Variants in FBXO16 observed in about 807,000 individuals in gnomAD.
FBXO16 encodes the protein F-box protein 16.
In FBXO16, 31 loss-of-function variants were observed where a neutral mutation model predicts 41.0. The ratio of observed to expected loss-of-function variants is 0.76; its 90% CI spans 0.57 to 1.02. The LOEUF is 1.02. FBXO16 is among the 50% of genes least tolerant of loss of function. FBXO16 has a pLI of 0.00. For synonymous variants in FBXO16, 133 were observed against 117.8 expected (o/e 1.13, Z -0.84); for missense variants, 361 against 346.2 (o/e 1.04, Z -0.34).
chr8:28,463,869 T>C (rs1268741080), intron 3 of FBXO16, 51 bp from the exon 4 acceptor site: 4 of 1,541,402 alleles, frequency 2.6e-6, no homozygotes, highest in East Asian at 2.2e-5. Context: ...TTTAGTCTGA[T>C]AGCAGATTCA....
chr8:28,469,571 GTA>G (rs1406554893), intron 3 of FBXO16, among the ~76,000 whole-genome samples: 1 of 152,088 alleles, frequency 6.6e-6, no homozygotes, highest in Non-Finnish European at 1.5e-5. Context: ...ATAAATTAGA[GTA>G]CACCCATCCC....
chr8:28,490,095 C>G (rs1305324846), intron 1 of FBXO16, 91 bp downstream of exon 1: 1 of 152,148 alleles, frequency 6.6e-6, no homozygotes, highest in Non-Finnish European at 1.5e-5. Context: ...ACAATGAAAT[C>G]CCCAAGAGCA....
intron 7 of FBXO16, among the ~76,000 whole-genome samples, chr8:28,432,838 CCT>C (rs1392336088): frequency 6.6e-6 from 1 of 152,100 alleles, no homozygotes; most frequent in Non-Finnish European, 1.5e-5. Flanking sequence ...GGGTGGATCA[CCT>C]AAGGTCAGGC....
chr8:28,468,997 T>A (rs1027434442), intron 3 of FBXO16, among the ~76,000 whole-genome samples: 2 of 152,214 alleles, frequency 1.3e-5, no homozygotes, highest in Non-Finnish European at 2.9e-5. Context: ...ATTTCCTTTT[T>A]TTCTAATTAA....
chr8:28,465,627 A>C lies in FBXO16; in HGVS notation c.136-1809T>G, dbSNP rs140221020. Among the ~76,000 whole-genome samples the C allele has an allele frequency of 4.6e-5, 7 of 152,204 alleles. No homozygotes were observed. The East Asian group carries it at 1.2e-3, about 25-fold the overall frequency. ...GAGGCCCTGTCAATAAAAATAAAAA[A>C]AAAATAAAAAATTTTTAAAAAAGCA... On this transcript the variant is annotated intron_variant, in intron 3 of 8. Transcript: ENST00000380254.
chr8:28,445,942 A>G (rs554689484), intron 7 of FBXO16, among the ~76,000 whole-genome samples: 5 of 152,188 alleles, frequency 3.3e-5, no homozygotes, highest in African/African-American at 1.2e-4. Context: ...ACTACTATAT[A>G]TGAACTTTGA....
intron 4 of FBXO16, among the ~76,000 whole-genome samples, chr8:28,460,242 T>TAC (rs1803107468): frequency 2.1e-5 from 2 of 97,174 alleles, no homozygotes; most frequent in African/African-American, 5.7e-5. Context: ...TATATATATA[T>TAC]ATATTTTTTT....
intron 7 of FBXO16, among the ~76,000 whole-genome samples, chr8:28,434,764 C>T (rs1397654613): frequency 6.6e-6 from 1 of 152,186 alleles, no homozygotes. Context: ...CAGCCCCTTG[C>T]GGGAGGGAGC....
At chr8:28,460,222 T>C (rs1803104921) in intron 4 of FBXO16, among the ~76,000 whole-genome samples, 1 of 84,900 alleles carries the variant, frequency 1.2e-5, no homozygotes, top group Non-Finnish European at 2.1e-5. Flanking sequence ...TATATATGTG[T>C]GTGTATATAT....
chr8:28,483,486 A>C (rs200849890), intron 1 of FBXO16, 24 bp from the exon 2 acceptor site: 9 of 1,540,504 alleles, frequency 5.8e-6, no homozygotes, highest in Non-Finnish European at 6.3e-6. Context: ...AACAACACCT[A>C]TCAGAAGAAG....
intron 3 of FBXO16, among the ~76,000 whole-genome samples, chr8:28,472,085 C>T (rs1258860520): frequency 6.6e-6 from 1 of 152,062 alleles, no homozygotes; most frequent in Non-Finnish European, 1.5e-5. Context: ...CCAAATTCAT[C>T]TTTCTATTTT....
At chr8:28,477,099 T>G (rs1177197390) in intron 2 of FBXO16, among the ~76,000 whole-genome samples, 1 of 126,184 alleles carries the variant, frequency 7.9e-6, no homozygotes, top group African/African-American at 3.3e-5. Context: ...CCTATCCTGA[T>G]GACGCAGTTT....
At chr8:28,458,544 CTTT>C (rs34617439) in intron 4 of FBXO16, among the ~76,000 whole-genome samples, 8,793 of 87,988 alleles carry the variant, frequency 0.1, 460 homozygotes, top group African/African-American at 0.2. Flanking sequence ...TCTTCTTCTT[CTTT>C]TTTTTTTTTT....
At chr8:28,433,078 CAAA>C (rs1437856853) in intron 7 of FBXO16, among the ~76,000 whole-genome samples, 1 of 138,882 alleles carries the variant, frequency 7.2e-6, no homozygotes, top group South Asian at 2.5e-4. Context: ...AAAAAACAAA[CAAA>C]AAACAAACAA....
Position 28,428,498 on chromosome 8 carries a change from G to A in FBXO16, c.*229C>T. The A allele has an allele frequency of 6.9e-7, 1 of 1,453,058 alleles. No individual in the cohort carries two copies. The highest frequency in any genetic ancestry group is 9.1e-7 in the Non-Finnish European group (1 of 1,096,232). The allele number at this position is 1,453,058 out of a possible 1,614,324, so 90.0% of individuals were successfully genotyped here. ...TGAAAGAGTTTCTAATGGGAGCCAAGTAAATTCAGCTCTCCACTGTGCAAA... is the reference window on the plus strand; with the variant it reads ...TGAAAGAGTTTCTAATGGGAGCCAAATAAATTCAGCTCTCCACTGTGCAAA... On this transcript the variant is annotated 3_prime_UTR_variant, in exon 9 of 9. Transcript: ENST00000380254.
chr8:28,477,260 C>T (rs1178193918), intron 2 of FBXO16, among the ~76,000 whole-genome samples: 1 of 151,938 alleles, frequency 6.6e-6, no homozygotes, highest in South Asian at 2.1e-4. Context: ...AAAATTAAAA[C>T]AAAAACAAAA....
At chr8:28,487,265 T>C (rs943405445) in intron 1 of FBXO16, among the ~76,000 whole-genome samples, 2 of 152,072 alleles carry the variant, frequency 1.3e-5, no homozygotes, top group Admixed American at 1.3e-4. Context: ...ACGTCCTGCC[T>C]CGTCTCTTGC....
intron 2 of FBXO16, among the ~76,000 whole-genome samples, chr8:28,480,858 G>C (rs1803499521): frequency 6.6e-6 from 1 of 152,194 alleles, no homozygotes; most frequent in Non-Finnish European, 1.5e-5. Context: ...GAGGTACAGA[G>C]AGAAAAGACG....
In FBXO16 at chr8:28,466,463, C is replaced by T. The variant is rs1349794246; in HGVS notation, c.136-2645G>A. 4.6e-5 allele frequency among the ~76,000 whole-genome samples: 7 copies of T among 151,928 alleles called. No individual in the cohort carries two copies. The East Asian group carries it at 5.8e-4, about 13-fold the overall frequency. On this transcript the variant is annotated intron_variant, in intron 3 of 8. Transcript: ENST00000380254. ...AGTGTTCCCTGACATCTCCTAGCCC[C>T]GTTTCTATACAAGCCATATCTCCAA... is the stretch of plus-strand genomic sequence containing the variant.
Sources: allele counts gnomAD v4.1 joint callset (sites outside exome capture counted in the v4.1 genomes callset), GRCh38; gene constraint gnomAD v4.1.1; transcripts MANE v1.5; gene names NCBI Gene and HGNC (gene_info 2026-07-23, HGNC 2026-07-21).